FBP2: variants seen among roughly 807,000 people sequenced by gnomAD.
The protein encoded by FBP2 is fructose-bisphosphatase 2.
Under a neutral mutation model 31.6 loss-of-function variants are expected in FBP2, and 27 were observed. The ratio of observed to expected loss-of-function variants is 0.85; its 90% CI spans 0.63 to 1.18. The LOEUF (loss-of-function observed/expected upper bound fraction) is 1.18, where lower values mean the gene tolerates loss of function less well. Ranked by LOEUF, FBP2 falls within the 50% of genes most tolerant of loss-of-function variation. The probability of loss-of-function intolerance (pLI) is 0.00; values close to 1 mark genes in which losing one functional copy is unlikely to be tolerated. For synonymous variants in FBP2, 168 were observed against 179.8 expected (o/e 0.93, Z 0.53); for missense variants, 421 against 436.1 (o/e 0.97, Z 0.31).
intron 5 of FBP2, among the ~76,000 whole-genome samples, 200 bp from the exon 6 acceptor site, chr9:94,563,661 C>G (rs1446150336): frequency 6.6e-6 from 1 of 152,134 alleles, no homozygotes; most frequent in Non-Finnish European, 1.5e-5. Flanking sequence ...TGTGACTGGA[C>G]TTAACAAATG....
chr9:94,570,334 G>T (rs565399147), intron 4 of FBP2: 1 of 152,310 alleles, frequency 6.6e-6, no homozygotes, highest in East Asian at 1.9e-4. Flanking sequence ...GACTGCTGGA[G>T]CATGACTCCT....
chr9:94,562,757 C>T (rs948185273), intron 6 of FBP2, among the ~76,000 whole-genome samples: 2 of 152,104 alleles, frequency 1.3e-5, no homozygotes. Context: ...CTTGATAATA[C>T]AAGTATTTTA....
At chr9:94,567,119 T>A in intron 5 of FBP2, 151 bp downstream of exon 5, 1 of 697,834 alleles carries the variant, frequency 1.4e-6, no homozygotes, top group South Asian at 2.0e-5. Context: ...TGAATGCTTA[T>A]GAAGAAAGGC....
rs768394639 is a variant in FBP2, at chr9:94,561,879, CAT to C, written c.825+1461_825+1462del. Among the ~76,000 whole-genome samples, 7 of 152,266 alleles carry C rather than the reference CAT, an allele frequency of 4.6e-5. 1 individual carries two copies. The highest frequency in any genetic ancestry group is 6.8e-3 in the Middle Eastern group (2 of 294). ...AAACGCAGATCTATCTATGGAGTGACATGTGCTTAAGGGACATGAGTATGTGA... is the reference window on the plus strand; with the variant it reads ...AAACGCAGATCTATCTATGGAGTGACGTGCTTAAGGGACATGAGTATGTGA... On this transcript the variant is annotated intron_variant, in intron 6 of 6. Coordinates refer to ENST00000375337, the MANE Select transcript of FBP2 (RefSeq NM_003837.4).
At chr9:94,572,710 CACA>C (rs1265562424) in intron 3 of FBP2, among the ~76,000 whole-genome samples, 2 of 152,150 alleles carry the variant, frequency 1.3e-5, no homozygotes, top group East Asian at 1.9e-4. Flanking sequence ...CACACACACA[CACA>C]ACACACACAT....
chr9:94,585,382 G>T (rs778280965), intron 2 of FBP2, among the ~76,000 whole-genome samples: 1 of 152,070 alleles, frequency 6.6e-6, no homozygotes, highest in Non-Finnish European at 1.5e-5. Flanking sequence ...GTTTGTTTCC[G>T]GGGGGTCAGC....
chr9:94,559,549 G>A (rs76423574), intron 6 of FBP2, among the ~76,000 whole-genome samples: 5,657 of 152,150 alleles, frequency 0.037, 362 homozygotes, highest in African/African-American at 0.13. Flanking sequence ...GGACAGTAAG[G>A]TCACCTTGAC....
rs557976336 is a variant in FBP2, at chr9:94,563,413, C to T, written c.754G>A (p.Asp252Asn). ...CCATAGACCAGGGTGCGGTGCACGT[C>T]AGCCACCATGGAGCCCACATACCTG... Reference protein sequence around the residue: ...GARYVGSMVADVHRTLVYGGI... With the variant: ...GARYVGSMVANVHRTLVYGGI... Residue 252 changes from aspartate to asparagine, a missense_variant, in exon 6 of 7, where the codon GAC becomes AAC. Coordinates refer to ENST00000375337, the MANE Select transcript of FBP2 (RefSeq NM_003837.4). The T allele has an allele frequency of 8.9e-5, 143 of 1,614,060 alleles. No homozygotes were observed. The South Asian group carries it at 1.4e-3, about 16-fold the overall frequency.
Position 94,558,933 on chromosome 9 carries a change from A to G in FBP2, c.*5T>C, listed in dbSNP as rs1827050141. The G allele has an allele frequency of 1.9e-6, 3 of 1,613,608 alleles. No individual in the cohort carries two copies. The East Asian group carries it at 6.7e-5, about 36-fold the overall frequency. On this transcript the variant is annotated 3_prime_UTR_variant, in exon 7 of 7. Transcript: ENST00000375337. ...AACAGAAGAGGGCATGTGGGGTCAA[A>G]CTCGCTAGCTGCCTGCCTGATTTTT... is the stretch of plus-strand genomic sequence containing the variant.
intron 1 of FBP2, 75 bp from the exon 2 acceptor site, chr9:94,587,544 C>T (rs781632396): frequency 6.2e-5 from 83 of 1,341,218 alleles, no homozygotes; most frequent in Non-Finnish European, 8.4e-5. Flanking sequence ...GACCCTAAAA[C>T]GCCAGCAGTG....
At chr9:94,582,523 G>C (rs1163885625) in intron 3 of FBP2, among the ~76,000 whole-genome samples, 2 of 149,888 alleles carry the variant, frequency 1.3e-5, no homozygotes, top group African/African-American at 5.0e-5. Context: ...TGGGACCACA[G>C]TCACATGCCA....
chr9:94,584,777 A>G, intron 2 of FBP2, 108 bp from the exon 3 acceptor site: 1 of 705,122 alleles, frequency 1.4e-6, no homozygotes, highest in Non-Finnish European at 2.6e-6. Context: ...AAAGAGATTG[A>G]GAACCACAGC....
In FBP2 at chr9:94,582,351, C is replaced by CGCGT. The variant is rs1228485244; in HGVS notation, c.426+2225_426+2226insACGC. ...AATCTGTTAAATATGTGTGTGTGTG[C>CGCGT]GTGTGTGTGTGTGTGTGTGTGTGTG... On this transcript the variant is annotated intron_variant, in intron 3 of 6. Coordinates refer to ENST00000375337, the MANE Select transcript of FBP2 (RefSeq NM_003837.4). Among the ~76,000 whole-genome samples the CGCGT allele has an allele frequency of 7.3e-3, 1,085 of 147,836 alleles. 16 individuals carry two copies. The highest frequency in any genetic ancestry group is 0.025 in the African/African-American group (1,016 of 40,002).
rs765374371 is a variant in FBP2 at position 94,587,412 on chromosome 9, CA to C, written c.227del (p.Val76GlyfsTer7). Reference protein sequence around the residue: ...VTGDEVKKLDVLSNSLVINMV... With the variant: ...VTGDEVKKLDXLSNSLVINMV... ...TGTTGATCACCAGGGAATTGGATAG[CA>C]CATCCAGTTTCTTCACCTCATCTCC... On this transcript the variant is annotated frameshift_variant, in exon 2 of 7. Coordinates refer to ENST00000375337, the MANE Select transcript of FBP2 (RefSeq NM_003837.4). LOFTEE classifies it high-confidence loss of function. 2.5e-6 allele frequency: 4 copies of C among 1,613,838 alleles called. No individual in the cohort carries two copies. The African/African-American group carries it at 5.3e-5, about 22-fold the overall frequency.
chr9:94,593,758 C>A lies in FBP2; in HGVS notation c.-32G>T. The A allele has an allele frequency of 6.2e-7, 1 of 1,610,380 alleles. No individual in the cohort carries two copies. The highest frequency in any genetic ancestry group is 8.5e-7 in the Non-Finnish European group (1 of 1,177,870). On this transcript the variant is annotated 5_prime_UTR_variant, in exon 1 of 7. Transcript: ENST00000375337. The stretch of plus-strand genomic sequence containing the variant: ...TGGAATGCTTCAAATCCTTTTCTCC[C>A]GGCAGGAAACCTTGCTTACTTCTGA...
chr9:94,592,665 G>A (rs1373120539), intron 1 of FBP2, among the ~76,000 whole-genome samples: 1 of 152,168 alleles, frequency 6.6e-6, no homozygotes, highest in Admixed American at 6.5e-5. Context: ...CTCCCGAGTA[G>A]CCGGGACTAC....
chr9:94,590,225 TG>T (rs1564188191), intron 1 of FBP2, among the ~76,000 whole-genome samples: 1 of 152,122 alleles, frequency 6.6e-6, no homozygotes, highest in African/African-American at 2.4e-5. Flanking sequence ...TATCTTGCAG[TG>T]TTCTGACTGA....
intron 3 of FBP2, among the ~76,000 whole-genome samples, chr9:94,579,259 G>A (rs2460138): frequency 0.27 from 39,921 of 149,446 alleles, 6,643 homozygotes; most frequent in East Asian, 0.53. Flanking sequence ...TTAGCCGGGC[G>A]TGGTGCCGGG....
intron 3 of FBP2, chr9:94,577,341 T>C (rs1176765292): frequency 6.6e-6 from 1 of 152,240 alleles, no homozygotes; most frequent in Non-Finnish European, 1.5e-5. Flanking sequence ...GTTTCCAACA[T>C]CATGGCCTCT....
Sources: gnomAD v4.1 joint callset for allele counts (sites outside exome capture counted in the v4.1 genomes callset) on GRCh38, gnomAD v4.1.1 for gene constraint, MANE v1.5 for transcripts, NCBI Gene and HGNC (gene_info 2026-07-23, HGNC 2026-07-21) for gene names.